Variants in URB2 observed in about 807,000 individuals in gnomAD.
URB2 encodes the protein URB2 ribosome biogenesis homolog.
URB2 carries 86 observed loss-of-function variants against 120.9 expected under a neutral mutation model. That is an observed-to-expected ratio of 0.71 (90% CI 0.60 to 0.85). The LOEUF (loss-of-function observed/expected upper bound fraction) is 0.85. URB2 is among the 40% of genes least tolerant of loss of function. The pLI is 0.00. For missense variants in URB2, 1,765 were observed against 1,836.5 expected (o/e 0.96, Z 0.71); for synonymous variants, 755 against 758.4 (o/e 1.00, Z 0.07).
rs758446839 is a variant in URB2, at chr1:229,636,642, C to T, written c.2029C>T (p.Leu677=). The change falls in exon 4 of 10, where the codon CTG becomes TTG. Residue 677 remains leucine, a synonymous_variant. Coordinates refer to ENST00000258243, the MANE Select transcript of URB2 (RefSeq NM_014777.4). ...TCTTGGTACATATTGCTTAGAACAGCTGTACCTGCAGAAAATGAAAAGGAC... is the reference window on the plus strand; with the variant it reads ...TCTTGGTACATATTGCTTAGAACAGTTGTACCTGCAGAAAATGAAAAGGAC... The part of the protein sequence containing the change: ...SSLGTYCLEQ[L]YLQKMKRTLM... 1 of 1,614,210 alleles carries T rather than the reference C, an allele frequency of 6.2e-7. No individual in the cohort carries two copies. Among genetic ancestry groups the T allele is most frequent in the Non-Finnish European group, 8.5e-7 (1 of 1,180,048 alleles).
chr1:229,636,357 CCCCT>C lies in URB2; in HGVS notation c.1745_1748del (p.Pro582ArgfsTer40). 6 of 1,614,144 alleles carry C rather than the reference CCCCT, an allele frequency of 3.7e-6. No homozygotes were observed. The highest frequency in any genetic ancestry group is 5.1e-6 in the Non-Finnish European group (6 of 1,179,986). ...GAGGATGATGAGGGAGCTCGTGCAG[CCCCT>C]GCTGGCCCTTCTCCCGGACACCCCA... On this transcript the variant is annotated frameshift_variant, in exon 4 of 10. Transcript: ENST00000258243. LOFTEE classifies it high-confidence loss of function.
At chr1:229,645,786 C>CTTCT in intron 5 of URB2, 73 bp from the exon 6 acceptor site, 1 of 1,320,974 alleles carries the variant, frequency 7.6e-7, no homozygotes, top group Non-Finnish European at 1.1e-6. Context: ...AGAGAGCAGT[C>CTTCT]TTCTTCCCCA....
Position 229,659,163 on chromosome 1 carries a change from T to C in URB2, c.4441T>C (p.Cys1481Arg), listed in dbSNP as rs771873132. Residue 1481 changes from cysteine (C) to arginine (R), a missense_variant, in exon 10 of 10, where the codon TGC becomes CGC. Coordinates refer to ENST00000258243, the MANE Select transcript of URB2 (RefSeq NM_014777.4). ...QEGIYLILDLCIEPDVQFLRA... is the reference protein window; with the variant it reads ...QEGIYLILDLRIEPDVQFLRA... ...GGGCATTTACCTCATCCTGGACCTC[T>C]GCATCGAGCCTGACGTCCAGTTCCT... The C allele has an allele frequency of 6.2e-7, 1 of 1,613,256 alleles. No individual in the cohort carries two copies. Among genetic ancestry groups the C allele is most frequent in the South Asian group, 1.1e-5 (1 of 91,032 alleles).
intron 6 of URB2, 140 bp from the exon 7 acceptor site, chr1:229,647,370 T>G: frequency 2.0e-6 from 2 of 1,009,308 alleles, no homozygotes; most frequent in Non-Finnish European, 2.8e-6. Context: ...GTTTAGCAAA[T>G]AGTATTTAAC....
intron 5 of URB2, 78 bp downstream of exon 5, chr1:229,643,771 G>C: frequency 1.3e-6 from 2 of 1,543,200 alleles, no homozygotes; most frequent in South Asian, 2.5e-5. Context: ...TTGAGATGTG[G>C]TGTCACCCTT....
intron 5 of URB2, among the ~76,000 whole-genome samples, chr1:229,644,478 A>G (rs775462138): frequency 2.0e-4 from 31 of 152,224 alleles, no homozygotes; most frequent in Non-Finnish European, 4.0e-4. Flanking sequence ...TGAAGAATGC[A>G]GGGGACTTGA....
chr1:229,651,307 C>A lies in URB2; in HGVS notation c.4222C>A (p.Arg1408=), dbSNP rs1318884599. The A allele has an allele frequency of 6.2e-7, 1 of 1,611,184 alleles. No individual in the cohort carries two copies. Among genetic ancestry groups the A allele is most frequent in the Non-Finnish European group, 8.5e-7 (1 of 1,178,714 alleles). The change falls in exon 8 of 10, where the codon CGG becomes AGG. Residue 1408 remains arginine (R), a synonymous_variant. Coordinates refer to ENST00000258243, the MANE Select transcript of URB2 (RefSeq NM_014777.4). ...RLVFSVMREG[R]QKDKGSIDDL... The stretch of plus-strand genomic sequence containing the variant: ...GGTGTTTTCAGTTATGCGGGAAGGG[C>A]GGCAGAAGGACAAAGGTAATTTGGA...
chr1:229,631,567 G>C (rs1665667141), intron 2 of URB2, among the ~76,000 whole-genome samples: 1 of 152,322 alleles, frequency 6.6e-6, no homozygotes, highest in East Asian at 1.9e-4. Context: ...GGCCATTGTA[G>C]GGTTAGCTGG....
In URB2 at chr1:229,636,329, G is replaced by A. The variant is rs1309017558; in HGVS notation, c.1716G>A (p.Met572Ile). The A allele has an allele frequency of 1.2e-6, 2 of 1,614,240 alleles. No individual in the cohort carries two copies. The highest frequency in any genetic ancestry group is 2.2e-5 in the South Asian group (2 of 91,090). The change falls in exon 4 of 10, where the codon ATG (methionine) becomes ATA (isoleucine). Residue 572 changes from methionine to isoleucine, a missense_variant. Met to Ile is a conservative substitution (Grantham distance 10, BLOSUM62 1). Coordinates refer to ENST00000258243, the MANE Select transcript of URB2 (RefSeq NM_014777.4). ...TTGTCAGACGGACACAGTGCATGAT[G>A]GAGAGGATGATGAGGGAGCTCGTGC... ...LPIVRRTQCM[M>I]ERMMRELVQP... is the part of the protein sequence containing the mutation.
In URB2 at chr1:229,635,058, T is replaced by G; in HGVS notation, c.445T>G (p.Leu149Val). The change falls in exon 4 of 10, where the codon TTG (leucine) becomes GTG (valine). Residue 149 changes from leucine to valine, a missense_variant. Transcript: ENST00000258243. ...YTAKQELMVA[L>V]LSQLCWSACR... The stretch of plus-strand genomic sequence containing the variant: ...GGCCAAACAGGAGCTGATGGTGGCC[T>G]TGCTGAGCCAGCTTTGCTGGTCGGC... 1 of 1,614,148 alleles carries G rather than the reference T, an allele frequency of 6.2e-7. No homozygotes were observed. The highest frequency in any genetic ancestry group is 8.5e-7 in the Non-Finnish European group (1 of 1,179,998).
chr1:229,633,128 G>A (rs888495085), intron 3 of URB2, among the ~76,000 whole-genome samples: 1 of 152,264 alleles, frequency 6.6e-6, no homozygotes, highest in Non-Finnish European at 1.5e-5. Context: ...CCTGGGCTAT[G>A]AAGCCATAAC....
At position 229,636,743 on chromosome 1, in the gene URB2, C is replaced by A. The variant is rs758367090; in HGVS notation, c.2130C>A (p.Ser710=). The A allele has an allele frequency of 6.2e-7, 1 of 1,611,872 alleles. No homozygotes were observed. Among genetic ancestry groups the A allele is most frequent in the South Asian group, 1.1e-5 (1 of 90,850 alleles). ...LRCDAAFIIG[S]GRKSLNQRTT... ...GCGATGCTGCCTTTATTATTGGTTC[C>A]GGCAGAAAAAGCTTGAATCAGAGAA... The change falls in exon 4 of 10, where the codon TCC becomes TCA. Residue 710 remains serine (S), a synonymous_variant. Transcript: ENST00000258243.
Position 229,649,325 on chromosome 1 carries a change from A to G in URB2, c.4149+1573A>G, listed in dbSNP as rs552004826. Among the ~76,000 whole-genome samples, 3 of 152,330 alleles carry G rather than the reference A, an allele frequency of 2.0e-5. No homozygotes were observed. In the East Asian group the frequency reaches 5.8e-4, roughly 29 times the overall value. On this transcript the variant is annotated intron_variant, in intron 7 of 9. Coordinates refer to ENST00000258243, the MANE Select transcript of URB2 (RefSeq NM_014777.4). ...CTTTGACCCTATTTATCTTGTCAGC[A>G]TCTTTGTTTTAAAATCTCTCTGCTG...
chr1:229,631,130 T>G (rs1035765918), intron 2 of URB2, among the ~76,000 whole-genome samples: 1 of 152,210 alleles, frequency 6.6e-6, no homozygotes, highest in Non-Finnish European at 1.5e-5. Context: ...CCTGGAACTT[T>G]TATGTTATGA....
In URB2 at chr1:229,643,624, C is replaced by T. The variant is rs758261963; in HGVS notation, c.3726C>T (p.Asp1242=). Residue 1242 remains aspartate, a synonymous_variant, in exon 5 of 10, where the codon GAC becomes GAT. Transcript: ENST00000258243. The part of the protein sequence containing the change: ...TQMLEVGTTE[D]LRLVMQCILQ... ...TGTTAGAGGTTGGGACGACAGAGGA[C>T]TTGAGGCTGGTGATGCAGTGTATTC... is the stretch of plus-strand genomic sequence containing the variant. 7 of 1,614,216 alleles carry T rather than the reference C, an allele frequency of 4.3e-6. No individual in the cohort carries two copies. The highest frequency in any genetic ancestry group is 3.3e-4 in the Middle Eastern group (2 of 6,058).
chr1:229,643,449 G>T, intron 4 of URB2, 84 bp from the exon 5 acceptor site: 1 of 1,523,996 alleles, frequency 6.6e-7, no homozygotes, highest in South Asian at 1.1e-5. Context: ...GGCGGCCACA[G>T]CTGTGCGCAG....
In URB2 at chr1:229,659,668, G is replaced by C. The variant is rs1351755454; in HGVS notation, c.*371G>C. 6.0e-6 allele frequency: 1 copy of C among 167,858 alleles called. No individual in the cohort carries two copies. The highest frequency in any genetic ancestry group is 2.4e-5 in the African/African-American group (1 of 41,946). 10.4% of individuals were successfully genotyped at this position (167,858 alleles called of 1,614,324 possible). A position where few individuals can be genotyped will look rare whatever the true frequency, so the allele number is the denominator to read the frequency against. On this transcript the variant is annotated 3_prime_UTR_variant, in exon 10 of 10. Coordinates refer to ENST00000258243, the MANE Select transcript of URB2 (RefSeq NM_014777.4). Reference sequence around the variant, plus strand: ...CATAAAACTTGGCTTTTTACTTTGGGTACATGGGCGTATAATTCAGCCCTG... The same window carrying C: ...CATAAAACTTGGCTTTTTACTTTGGCTACATGGGCGTATAATTCAGCCCTG...
In URB2 at chr1:229,655,036, C is replaced by A. The variant is rs1666374361; in HGVS notation, c.4377+648C>A. On this transcript the variant is annotated intron_variant, in intron 9 of 9. Coordinates refer to ENST00000258243, the MANE Select transcript of URB2 (RefSeq NM_014777.4). ...GTTCTAGACCTCAGGATTCTGGGAT[C>A]CCCTCAGCTGCAAGAGTTCATGTAT... 2.0e-5 allele frequency among the ~76,000 whole-genome samples: 3 copies of A among 152,288 alleles called. No homozygotes were observed. In the South Asian group the frequency reaches 6.2e-4, roughly 32 times the overall value.
At chr1:229,651,811 AT>A (rs748237874) in intron 8 of URB2, among the ~76,000 whole-genome samples, 1 of 152,228 alleles carries the variant, frequency 6.6e-6, no homozygotes, top group Non-Finnish European at 1.5e-5. Flanking sequence ...AATAGCATAT[AT>A]TATGTGTACA....
Sources: allele counts gnomAD v4.1 joint callset (sites outside exome capture counted in the v4.1 genomes callset), GRCh38; gene constraint gnomAD v4.1.1; transcripts MANE v1.5; gene names NCBI Gene and HGNC (gene_info 2026-07-23, HGNC 2026-07-21).